Variants in TAX1BP1 observed in about 807,000 individuals in gnomAD.
The protein encoded by TAX1BP1 is Tax1 binding protein 1.
A neutral mutation model predicts 97.7 loss-of-function variants in TAX1BP1; 62 were observed. The observed-to-expected ratio is 0.63, with a 90% CI of 0.52 to 0.78. The LOEUF (loss-of-function observed/expected upper bound fraction) is 0.78. TAX1BP1 is among the 30% of genes least tolerant of loss of function. The probability of loss-of-function intolerance (pLI) is 0.00; values close to 1 mark genes in which losing one functional copy is unlikely to be tolerated. For synonymous variants in TAX1BP1, 340 were observed against 304.2 expected, an observed-to-expected ratio of 1.12 and a Z score of -1.23; for missense variants, 867 against 916.1, an observed-to-expected ratio of 0.95 and a Z score of 0.69.
At chr7:27,827,338 G>A (rs1218019601) in intron 15 of TAX1BP1, among the ~76,000 whole-genome samples, 4 of 151,214 alleles carry the variant, frequency 2.6e-5, no homozygotes, top group Non-Finnish European at 5.9e-5. Flanking sequence ...GGGTGACAGA[G>A]TGATGACTCC....
intron 5 of TAX1BP1, among the ~76,000 whole-genome samples, chr7:27,777,952 C>T (rs1035525634): frequency 4.6e-5 from 7 of 152,132 alleles, no homozygotes; most frequent in African/African-American, 1.2e-4. Context: ...TTTATCTTGG[C>T]ACGATTTTAG....
chr7:27,760,156 A>G (rs1788369381), intron 3 of TAX1BP1, among the ~76,000 whole-genome samples: 1 of 151,494 alleles, frequency 6.6e-6, no homozygotes, highest in Non-Finnish European at 1.5e-5. Flanking sequence ...GCCTGGCCCT[A>G]AATCTTTAAA....
At chr7:27,788,523 C>T (rs775584275) in intron 8 of TAX1BP1, among the ~76,000 whole-genome samples, 3 of 151,968 alleles carry the variant, frequency 2.0e-5, no homozygotes, top group Non-Finnish European at 4.4e-5. Context: ...TCTATTATGC[C>T]TTCTACATTT....
intron 13 of TAX1BP1, among the ~76,000 whole-genome samples, chr7:27,812,341 T>C (rs890293011): frequency 1.2e-4 from 18 of 152,344 alleles, no homozygotes; most frequent in African/African-American, 4.3e-4. Context: ...TTTATTGAGC[T>C]GTCTGTCATC....
At chr7:27,819,109 C>T (rs1247151631) in intron 15 of TAX1BP1, among the ~76,000 whole-genome samples, 2 of 151,990 alleles carry the variant, frequency 1.3e-5, no homozygotes, top group East Asian at 1.9e-4. Context: ...CCCTCATCAA[C>T]GTTGTAATGA....
chr7:27,805,834 TCAACAACAA>T (rs201652935), intron 13 of TAX1BP1, among the ~76,000 whole-genome samples: 2,377 of 151,810 alleles, frequency 0.016, 35 homozygotes, highest in South Asian at 0.07. Context: ...AGACTCTGTA[TCAACAACAA>T]CAACAACAAC....
rs748771580 is a variant in TAX1BP1 at position 27,794,435 on chromosome 7, C to G, written c.1523C>G (p.Ser508Ter). 2 of 1,604,630 alleles carry G rather than the reference C, an allele frequency of 1.2e-6. No homozygotes were observed. The highest frequency in any genetic ancestry group is 2.7e-5 in the African/African-American group (2 of 74,622). ...GCCTCTACTGTAGATGTAAAGCCAT[C>G]ACCTTCTGCAGGTAAAAATCTTTTA... The part of the protein sequence containing the change: ...TSASTVDVKP[S>*]PSAAEADFDI... Residue 508 changes from serine (S) to a stop codon, truncating the protein, a stop_gained, in exon 11 of 17, where the codon TCA becomes TGA. Coordinates refer to ENST00000396319, the MANE Select transcript of TAX1BP1 (RefSeq NM_006024.7). LOFTEE classifies it high-confidence loss of function.
Position 27,817,013 on chromosome 7 carries a change from G to T in TAX1BP1, c.2060G>T (p.Gly687Val), listed in dbSNP as rs756173327. 1.2e-6 allele frequency: 2 copies of T among 1,613,078 alleles called. No individual in the cohort carries two copies. Among genetic ancestry groups the T allele is most frequent in the African/African-American group, 2.7e-5 (2 of 74,812 alleles). The stretch of plus-strand genomic sequence containing the variant: ...GCTCGAAACTTTAGTCGGCCTGATG[G>T]CTTAGAGGACTCTGAGGATAGCAAA... ...QPARNFSRPDGLEDSEDSKED... is the reference protein window; with the variant it reads ...QPARNFSRPDVLEDSEDSKED... Residue 687 changes from glycine to valine, a missense_variant, in exon 15 of 17, where the codon GGC (glycine) becomes GTC (valine). Physicochemically the swap from Gly to Val is moderately radical, Grantham distance 109 (BLOSUM62 -3). Transcript: ENST00000396319.
intron 13 of TAX1BP1, among the ~76,000 whole-genome samples, chr7:27,802,526 G>A (rs1281256884): frequency 6.6e-6 from 1 of 152,214 alleles, no homozygotes; most frequent in Non-Finnish European, 1.5e-5. Flanking sequence ...ATGAATGAAT[G>A]ATTTAGAGAC....
intron 15 of TAX1BP1, among the ~76,000 whole-genome samples, chr7:27,823,793 C>T (rs1380655013): frequency 6.6e-6 from 1 of 152,152 alleles, no homozygotes; most frequent in African/African-American, 2.4e-5. Flanking sequence ...TTCCTCCAGT[C>T]CCTGAAAACC....
intron 13 of TAX1BP1, 124 bp from the exon 14 acceptor site, chr7:27,816,225 T>C: frequency 2.6e-6 from 2 of 762,558 alleles, no homozygotes; most frequent in Non-Finnish European, 2.0e-6. Flanking sequence ...GTGTTTCCAA[T>C]TGCATTCCAA....
intron 11 of TAX1BP1, 26 bp downstream of exon 11, chr7:27,794,472 TA>T (rs1338181824): frequency 1.3e-6 from 2 of 1,580,342 alleles, no homozygotes; most frequent in African/African-American, 2.7e-5. Flanking sequence ...ACTTTTTGTG[TA>T]GGGTGTCCTA....
chr7:27,824,799 A>G (rs34684367), intron 15 of TAX1BP1, among the ~76,000 whole-genome samples: 2,123 of 152,264 alleles, frequency 0.014, 21 homozygotes, highest in Non-Finnish European at 0.021. Flanking sequence ...AGATCTTTAA[A>G]TGGATTAAAG....
At chr7:27,766,277 G>A (rs1027044728) in intron 4 of TAX1BP1, among the ~76,000 whole-genome samples, 3 of 151,762 alleles carry the variant, frequency 2.0e-5, no homozygotes, top group Admixed American at 2.0e-4. Context: ...AAAATTAGAC[G>A]GGCGTGGTGG....
At chr7:27,774,770 C>G (rs993860588) in intron 5 of TAX1BP1, among the ~76,000 whole-genome samples, 1 of 151,958 alleles carries the variant, frequency 6.6e-6, no homozygotes, top group African/African-American at 2.4e-5. Context: ...TTTAAAAAAG[C>G]ACTATTTTGT....
intron 5 of TAX1BP1, among the ~76,000 whole-genome samples, chr7:27,783,967 AT>A (rs1789365400): frequency 6.6e-6 from 1 of 152,214 alleles, no homozygotes. Flanking sequence ...AGTGTTACAA[AT>A]TCAGTCAGAC....
chr7:27,813,838 A>G (rs1199868451), intron 13 of TAX1BP1, among the ~76,000 whole-genome samples: 1 of 152,090 alleles, frequency 6.6e-6, no homozygotes, highest in Non-Finnish European at 1.5e-5. Flanking sequence ...ATTAGTAACT[A>G]CTTATTTAGG....
chr7:27,760,096 C>A (rs888677613), intron 3 of TAX1BP1, among the ~76,000 whole-genome samples: 16 of 152,020 alleles, frequency 1.1e-4, no homozygotes, highest in Non-Finnish European at 1.9e-4. Flanking sequence ...TCAGGTGATC[C>A]ACCCGCCTCG....
At position 27,748,634 on chromosome 7, in the gene TAX1BP1, C is replaced by G. The variant is rs1225906802; in HGVS notation, c.110C>G (p.Thr37Ser). The change falls in exon 2 of 17, where the codon ACC becomes AGC. Residue 37 changes from threonine (T) to serine (S), a missense_variant. Transcript: ENST00000396319. ...AATGCACACCTGGAATGTCATTACA[C>G]CTTAACTCCATATATTCATCCACAT... Reference protein sequence around the residue: ...LPNAHLECHYTLTPYIHPHPK... With the variant: ...LPNAHLECHYSLTPYIHPHPK... 2.5e-6 allele frequency: 4 copies of G among 1,593,088 alleles called. No individual in the cohort carries two copies. Among genetic ancestry groups the G allele is most frequent in the Admixed American group, 3.4e-5 (2 of 58,580 alleles).
Sources: allele counts gnomAD v4.1 joint callset (sites outside exome capture counted in the v4.1 genomes callset), GRCh38; gene constraint gnomAD v4.1.1; transcripts MANE v1.5; gene names NCBI Gene and HGNC (gene_info 2026-07-23, HGNC 2026-07-21).